Variants in INSC observed in about 807,000 individuals in gnomAD.
The protein encoded by INSC is protein inscuteable homolog.
INSC carries 67 observed loss-of-function variants against 58.6 expected under a neutral mutation model. The ratio of observed to expected loss-of-function variants is 1.14; its 90% CI spans 0.94 to 1.40. The LOEUF is 1.40. INSC is among the 40% of genes most tolerant of loss of function. The pLI, the probability that INSC is intolerant of heterozygous loss-of-function variation, is 0.00. For missense variants in INSC, 714 were observed against 692.0 expected, an observed-to-expected ratio of 1.03 and a Z score of -0.36; for synonymous variants, 262 against 276.1, an observed-to-expected ratio of 0.95 and a Z score of 0.51.
intron 7 of INSC, among the ~76,000 whole-genome samples, chr11:15,205,525 G>A (rs1589967646): frequency 6.6e-6 from 1 of 152,322 alleles, no homozygotes; most frequent in East Asian, 1.9e-4. Flanking sequence ...GGTGGCTACT[G>A]TGATTGTGGC....
chr11:15,112,385 C>G, upstream of INSC: 1 of 1,206,094 alleles, frequency 8.3e-7, no homozygotes, highest in Non-Finnish European at 1.2e-6. Context: ...AGGGCCATGG[C>G]CCAGAAGGGT....
At chr11:15,114,403 A>G (rs1210054540), upstream of INSC, among the ~76,000 whole-genome samples, 1 of 152,004 alleles carries the variant, frequency 6.6e-6, no homozygotes, top group Non-Finnish European at 1.5e-5. Context: ...CGGTGAATAA[A>G]CCGTCTCATT....
intron 7 of INSC, among the ~76,000 whole-genome samples, chr11:15,215,718 G>A (rs1851191351): frequency 6.6e-6 from 1 of 152,160 alleles, no homozygotes; most frequent in South Asian, 2.1e-4. Context: ...GCTCAAATCT[G>A]CTTGGGGAAT....
At chr11:15,193,642 T>C (rs1417047561) in intron 6 of INSC, among the ~76,000 whole-genome samples, 1 of 152,220 alleles carries the variant, frequency 6.6e-6, no homozygotes, top group Admixed American at 6.5e-5. Context: ...TATGGCTGCA[T>C]AGTATTCCAT....
At chr11:15,238,002 C>A (rs907671502) in intron 10 of INSC, among the ~76,000 whole-genome samples, 15 of 152,082 alleles carry the variant, frequency 9.9e-5, no homozygotes, top group Admixed American at 2.0e-4. Context: ...TCTAAGCTGG[C>A]AGGAGCCACT....
At chr11:15,204,987 G>A (rs964432161) in intron 7 of INSC, among the ~76,000 whole-genome samples, 1 of 152,170 alleles carries the variant, frequency 6.6e-6, no homozygotes, top group African/African-American at 2.4e-5. Context: ...GAGCCTTGCT[G>A]GGTTTGGGGG....
chr11:15,205,306 A>T (rs770626515), intron 7 of INSC, among the ~76,000 whole-genome samples: 2 of 152,206 alleles, frequency 1.3e-5, no homozygotes, highest in Non-Finnish European at 2.9e-5. Flanking sequence ...TCCTTCTTTT[A>T]TCACTGAAGC....
chr11:15,211,458 A>C (rs537775303), intron 7 of INSC, among the ~76,000 whole-genome samples: 1 of 152,336 alleles, frequency 6.6e-6, no homozygotes, highest in African/African-American at 2.4e-5. Flanking sequence ...AATTCTCTTA[A>C]GATACATATT....
At chr11:15,207,248 C>A (rs1022150027) in intron 7 of INSC, among the ~76,000 whole-genome samples, 2 of 152,198 alleles carry the variant, frequency 1.3e-5, no homozygotes, top group African/African-American at 4.8e-5. Flanking sequence ...TTTTCCAGAA[C>A]TGAAAGACCA....
At chr11:15,220,950 T>C (rs1329475066) in intron 7 of INSC, among the ~76,000 whole-genome samples, 1 of 152,160 alleles carries the variant, frequency 6.6e-6, no homozygotes, top group Non-Finnish European at 1.5e-5. Flanking sequence ...ATCCTGTTGC[T>C]AAATATGAGG....
chr11:15,151,005 T>G (rs981352496), intron 2 of INSC, among the ~76,000 whole-genome samples: 3 of 152,154 alleles, frequency 2.0e-5, no homozygotes, highest in African/African-American at 7.2e-5. Context: ...TAGAAGTGCT[T>G]GGGTCCAGGA....
chr11:15,138,820 T>C (rs2133721353), intron 1 of INSC, among the ~76,000 whole-genome samples: 1 of 152,312 alleles, frequency 6.6e-6, no homozygotes, highest in Middle Eastern at 3.4e-3. Flanking sequence ...TTTCCCATTT[T>C]ACGGATGTAG....
At chr11:15,180,699 G>C (rs1176638431) in intron 5 of INSC, among the ~76,000 whole-genome samples, 1 of 111,272 alleles carries the variant, frequency 9.0e-6, no homozygotes, top group Non-Finnish European at 1.9e-5. Context: ...GGGGGCGGGG[G>C]GGGGTGGTGG....
intron 2 of INSC, among the ~76,000 whole-genome samples, chr11:15,158,012 C>T (rs1848876943): frequency 6.6e-6 from 1 of 152,136 alleles, no homozygotes; most frequent in South Asian, 2.1e-4. Context: ...GGGGAGTCAA[C>T]TTCGATTCTT....
intron 2 of INSC, among the ~76,000 whole-genome samples, chr11:15,157,152 C>T (rs543063960): frequency 2.6e-5 from 4 of 152,168 alleles, no homozygotes; most frequent in East Asian, 3.9e-4. Context: ...CTGGGAGCCA[C>T]GTTCACTGTC....
At chr11:15,185,009 A>G (rs1448264580) in intron 5 of INSC, among the ~76,000 whole-genome samples, 4 of 152,246 alleles carry the variant, frequency 2.6e-5, no homozygotes, top group Non-Finnish European at 4.4e-5. Flanking sequence ...TGGTTATTTG[A>G]TAAGTCTTGG....
chr11:15,241,280 C>A (rs185404816), intron 12 of INSC, among the ~76,000 whole-genome samples: 2 of 152,296 alleles, frequency 1.3e-5, no homozygotes, highest in East Asian at 3.9e-4. Flanking sequence ...AAAGTGCTGG[C>A]TCTTGTGTTC....
At chr11:15,136,935 A>G (rs943539135) in intron 1 of INSC, among the ~76,000 whole-genome samples, 3 of 152,232 alleles carry the variant, frequency 2.0e-5, no homozygotes, top group African/African-American at 7.2e-5. Context: ...CAAATCCATC[A>G]GAGGAATCAC....
the INSC span, among the ~76,000 whole-genome samples, chr11:15,263,043 G>A: frequency 6.8e-3 from 1,029 of 152,088 alleles, 13 homozygotes; most frequent in African/African-American, 0.024. Context: ...TAGAAACAAC[G>A]AAACTTCTAA....
Sources: gnomAD v4.1 joint callset for allele counts (sites outside exome capture counted in the v4.1 genomes callset) on GRCh38, gnomAD v4.1.1 for gene constraint, MANE v1.5 for transcripts, NCBI Gene and HGNC (gene_info 2026-07-23, HGNC 2026-07-21) for gene names.